Variants in XKR6 observed in about 807,000 individuals in gnomAD.
XKR6 encodes XK related 6.
In XKR6, 22 loss-of-function variants were observed where a neutral mutation model predicts 56.7. The observed-to-expected ratio is 0.39, with a 90% CI of 0.28 to 0.55. The LOEUF (loss-of-function observed/expected upper bound fraction) is 0.55, where lower values mean the gene tolerates loss of function less well. Among genes scored for constraint, XKR6 ranks in the 20% least tolerant of loss-of-function variants. The probability of loss-of-function intolerance (pLI) is 0.66; values close to 1 mark genes in which losing one functional copy is unlikely to be tolerated. For missense variants in XKR6, 852 were observed against 889.0 expected (o/e 0.96, Z 0.53); for synonymous variants, 524 against 387.8 (o/e 1.35, Z -4.13).
chr8:11,152,943 C>T (rs1801336642), intron 1 of XKR6, among the ~76,000 whole-genome samples: 1 of 152,174 alleles, frequency 6.6e-6, no homozygotes, highest in African/African-American at 2.4e-5. Context: ...CTGTAGCCCA[C>T]AGATCTGCAC....
intron 1 of XKR6, among the ~76,000 whole-genome samples, chr8:11,171,295 C>T (rs556860392): frequency 1.3e-5 from 2 of 152,352 alleles, no homozygotes; most frequent in Admixed American, 6.5e-5. Context: ...CACACACACA[C>T]AGAGTTCAAA....
chr8:11,015,554 G>C (rs1025131802), intron 1 of XKR6, among the ~76,000 whole-genome samples: 5 of 152,166 alleles, frequency 3.3e-5, no homozygotes, highest in African/African-American at 1.2e-4. Flanking sequence ...GGCAGAGAAA[G>C]CCGGCCAGGT....
In XKR6 at chr8:10,954,984, T is replaced by C. The variant is rs190235387; in HGVS notation, c.765-30154A>G. Among the ~76,000 whole-genome samples the C allele has an allele frequency of 2.6e-3, 385 of 150,498 alleles. 3 individuals carry two copies. Among genetic ancestry groups the C allele is most frequent in the African/African-American group, 8.7e-3 (357 of 40,986 alleles). ...CCTGGGTTCAAGTGATTCTCCAGCC[T>C]CAGTCTCCCGAGTAGCTAGGATTAC... On this transcript the variant is annotated intron_variant, in intron 1 of 2. Transcript: ENST00000416569.
chr8:11,147,317 C>A (rs528776855), intron 1 of XKR6, among the ~76,000 whole-genome samples: 13 of 152,136 alleles, frequency 8.5e-5, no homozygotes, highest in Non-Finnish European at 7.4e-5. Flanking sequence ...TAATAAGAAG[C>A]CAAACAACTC....
intron 1 of XKR6, among the ~76,000 whole-genome samples, chr8:11,076,741 G>T (rs1246625356): frequency 6.6e-6 from 1 of 152,222 alleles, no homozygotes; most frequent in East Asian, 1.9e-4. Context: ...CGCAGGCAGC[G>T]ATGGCAGCCT....
At chr8:11,165,090 C>CATTTTTTTTTTTTTT (rs762270947) in intron 1 of XKR6, among the ~76,000 whole-genome samples, 1 of 82,472 alleles carries the variant, frequency 1.2e-5, no homozygotes, top group African/African-American at 5.2e-5. Flanking sequence ...AGGCTATCAC[C>CATTTTTTTTTTTTTT]TTTTTTTTTT....
chr8:11,194,396 A>G (rs1279362265), intron 1 of XKR6: 1 of 152,248 alleles, frequency 6.6e-6, no homozygotes, highest in Non-Finnish European at 1.5e-5. Context: ...AATAGCGGTA[A>G]GCAGTGGATT....
chr8:11,144,938 C>T lies in XKR6; in HGVS notation c.764+55638G>A, dbSNP rs183564680. On this transcript the variant is annotated intron_variant, in intron 1 of 2. Transcript: ENST00000416569. ...AGGGAAAGAAGGAAAGGGAGAGAAG[C>T]GAGGAAAGAAGGGAGAGAAGGGAGG... Among the ~76,000 whole-genome samples the T allele has an allele frequency of 4.6e-4, 59 of 127,036 alleles. 2 individuals carry two copies. The Admixed American group carries it at 4.7e-3, about 10-fold the overall frequency. 83.3% of individuals were successfully genotyped at this position (127,036 alleles called of 152,430 possible).
rs1378297366 is a variant in XKR6, at chr8:11,201,639, C to T, written c.-300G>A. Among the ~76,000 whole-genome samples the T allele has an allele frequency of 6.6e-6, 1 of 152,144 alleles. No individual in the cohort carries two copies. Among genetic ancestry groups the T allele is most frequent in the Non-Finnish European group, 1.5e-5 (1 of 68,010 alleles). On this transcript the variant is annotated 5_prime_UTR_variant, in exon 1 of 3. Coordinates refer to ENST00000416569, the MANE Select transcript of XKR6 (RefSeq NM_173683.4). ...GCTGGGCGGGGGACCGGGGGGTTCTCCCCGCCAGGGCTCCCCTTCCCCTCT... is the reference window on the plus strand; with the variant it reads ...GCTGGGCGGGGGACCGGGGGGTTCTTCCCGCCAGGGCTCCCCTTCCCCTCT...
intron 1 of XKR6, among the ~76,000 whole-genome samples, chr8:11,199,547 T>G (rs895285669): frequency 1.3e-5 from 2 of 152,104 alleles, no homozygotes; most frequent in Non-Finnish European, 2.9e-5. Context: ...TCAGTAAGAT[T>G]TTTTTCTCTT....
chr8:11,147,450 G>T (rs1294274340), intron 1 of XKR6, among the ~76,000 whole-genome samples: 3 of 152,210 alleles, frequency 2.0e-5, no homozygotes, highest in African/African-American at 7.2e-5. Flanking sequence ...CAGATCAAGA[G>T]ATCGAGACAA....
chr8:10,946,505 G>T (rs185924821), intron 1 of XKR6, among the ~76,000 whole-genome samples: 3 of 152,030 alleles, frequency 2.0e-5, no homozygotes, highest in African/African-American at 4.8e-5. Flanking sequence ...AAAACACTAA[G>T]GAGGTTCTTC....
At position 10,897,814 on chromosome 8, in the gene XKR6, T is replaced by C. The variant is rs1214641198; in HGVS notation, c.*138A>G. ...CTTATTAATTCTTTTTTTTTTGTAG[T>C]GGTGGTGTTGGTGTGGCGGTGTTGG... On this transcript the variant is annotated 3_prime_UTR_variant, in exon 3 of 3. Coordinates refer to ENST00000416569, the MANE Select transcript of XKR6 (RefSeq NM_173683.4). The C allele has an allele frequency of 9.6e-6, 10 of 1,043,322 alleles. No homozygotes were observed. The South Asian group carries it at 1.5e-4, about 16-fold the overall frequency. The allele number at this position is 1,043,322 out of a possible 1,614,324, so 64.6% of individuals were successfully genotyped here.
intron 1 of XKR6, among the ~76,000 whole-genome samples, chr8:11,116,442 C>G (rs576314288): frequency 1.6e-4 from 25 of 152,306 alleles, no homozygotes; most frequent in African/African-American, 2.9e-4. Context: ...ACAATCTTGG[C>G]TCACTGCAAC....
At chr8:11,145,441 A>C (rs1182150782) in intron 1 of XKR6, among the ~76,000 whole-genome samples, 1 of 152,118 alleles carries the variant, frequency 6.6e-6, no homozygotes, top group East Asian at 1.9e-4. Flanking sequence ...TATAAAACTT[A>C]TTTGTAGATG....
chr8:10,934,826 T>A (rs1263668231), intron 1 of XKR6, among the ~76,000 whole-genome samples: 1 of 150,020 alleles, frequency 6.7e-6, no homozygotes, highest in Non-Finnish European at 1.5e-5. Flanking sequence ...GATTTTTGCA[T>A]CAATGTTCAT....
At chr8:11,178,650 CAAATATATATATAT>C in intron 1 of XKR6, among the ~76,000 whole-genome samples, 1 of 131,818 alleles carries the variant, frequency 7.6e-6, no homozygotes, top group African/African-American at 3.7e-5. Context: ...CACATACACA[CAAATATATATATAT>C]ACACAGAGAT....
At chr8:10,943,883 A>G (rs538973619) in intron 1 of XKR6, among the ~76,000 whole-genome samples, 2 of 152,200 alleles carry the variant, frequency 1.3e-5, no homozygotes, top group South Asian at 4.2e-4. Context: ...CATTTTACAG[A>G]TGAGGACACC....
At chr8:11,157,246 G>A (rs758071126) in intron 1 of XKR6, among the ~76,000 whole-genome samples, 7 of 152,144 alleles carry the variant, frequency 4.6e-5, no homozygotes, top group African/African-American at 1.2e-4. Context: ...ACGCAAGATG[G>A]TCCACTAGGC....
Sources: allele counts gnomAD v4.1 joint callset (sites outside exome capture counted in the v4.1 genomes callset), GRCh38; gene constraint gnomAD v4.1.1; transcripts MANE v1.5; gene names NCBI Gene and HGNC (gene_info 2026-07-23, HGNC 2026-07-21).